The following FOXN3 variants were observed in gnomAD, a reference collection of about 807,000 sequenced individuals.
The protein encoded by FOXN3 is forkhead box N3, also known as forkhead box protein N3.
FOXN3 carries 7 observed loss-of-function variants against 38.4 expected under a neutral mutation model. That is an observed-to-expected ratio of 0.18 (90% CI 0.10 to 0.34). FOXN3 has a LOEUF of 0.34. Ranked by LOEUF, FOXN3 falls within the 10% of genes least tolerant of loss-of-function variation. The pLI, the probability that FOXN3 is intolerant of heterozygous loss-of-function variation, is 1.00. For synonymous variants in FOXN3, 230 were observed against 242.2 expected, an observed-to-expected ratio of 0.95 and a Z score of 0.47; for missense variants, 456 against 613.4, an observed-to-expected ratio of 0.74 and a Z score of 2.71.
chr14:89,169,239 C>T (rs1383399483), intron 5 of FOXN3, among the ~76,000 whole-genome samples: 1 of 151,958 alleles, frequency 6.6e-6, no homozygotes, highest in Non-Finnish European at 1.5e-5. Context: ...CCAGGAGTTC[C>T]AAGACCAGCC....
chr14:89,233,653 C>A (rs1189378387), intron 4 of FOXN3, among the ~76,000 whole-genome samples: 1 of 152,122 alleles, frequency 6.6e-6, no homozygotes, highest in Non-Finnish European at 1.5e-5. Flanking sequence ...AAATTCTGTG[C>A]CCAAGAAAAT....
At chr14:89,390,620 G>A (rs1370662819) in intron 2 of FOXN3, among the ~76,000 whole-genome samples, 1 of 151,842 alleles carries the variant, frequency 6.6e-6, no homozygotes, top group Non-Finnish European at 1.5e-5. Flanking sequence ...TTTATTCTAG[G>A]GGGGAAAGCC....
chr14:89,263,396 C>T (rs1267485382), intron 4 of FOXN3, among the ~76,000 whole-genome samples: 1 of 150,576 alleles, frequency 6.6e-6, no homozygotes, highest in South Asian at 2.1e-4. Context: ...GAGAGACTGA[C>T]ATTCAGTAAT....
Position 89,280,992 on chromosome 14 carries a change from G to A in FOXN3, c.703C>T (p.Pro235Ser), listed in dbSNP as rs769785124. 10 of 1,613,680 alleles carry A rather than the reference G, an allele frequency of 6.2e-6. No individual in the cohort carries two copies. The highest frequency in any genetic ancestry group is 1.3e-5 in the African/African-American group (1 of 74,892). The change falls in exon 4 of 6, where the codon CCG (proline) becomes TCG (serine). Residue 235 changes from proline (P) to serine (S), a missense_variant. Pro to Ser is a moderately conservative substitution (Grantham distance 74, BLOSUM62 -1). Around this residue, in one of 3 missense-constraint regions of FOXN3, gnomAD observed 386 missense variants for 505.2 expected, o/e 0.76. Coordinates refer to ENST00000557258, the MANE Select transcript of FOXN3 (RefSeq NM_005197.4). ...TTTCTCTTGAAGAAGGTACTGCCCGGCCAGATGGGTGGACCTGATGTGCTG... is the reference window on the plus strand; with the variant it reads ...TTTCTCTTGAAGAAGGTACTGCCCGACCAGATGGGTGGACCTGATGTGCTG... The part of the protein sequence containing the change: ...YQSTSGPPIW[P>S]GSTFFKRNGA...
chr14:89,372,181 T>C (rs1204384374), intron 2 of FOXN3, among the ~76,000 whole-genome samples: 3 of 151,840 alleles, frequency 2.0e-5, no homozygotes, highest in Non-Finnish European at 4.4e-5. Flanking sequence ...CCCCAAGTCA[T>C]AAAGGATAGC....
intron 1 of FOXN3, among the ~76,000 whole-genome samples, chr14:89,452,852 A>G (rs986890195): frequency 1.3e-5 from 2 of 152,204 alleles, no homozygotes; most frequent in African/African-American, 2.4e-5. Flanking sequence ...AAACATAACC[A>G]CCACAACTTA....
intron 3 of FOXN3, among the ~76,000 whole-genome samples, chr14:89,336,200 A>G (rs536085166): frequency 4.6e-4 from 48 of 104,908 alleles, no homozygotes; most frequent in African/African-American, 2.0e-3. Flanking sequence ...CCCCTTCCCC[A>G]TTCTCCTAAC....
At chr14:89,367,481 G>A (rs755912883) in intron 2 of FOXN3, among the ~76,000 whole-genome samples, 2 of 152,130 alleles carry the variant, frequency 1.3e-5, no homozygotes, top group Non-Finnish European at 1.5e-5. Flanking sequence ...TCTTGTCAGC[G>A]CTGGGTAAGA....
intron 4 of FOXN3, among the ~76,000 whole-genome samples, chr14:89,263,089 C>T (rs1885860223): frequency 6.6e-6 from 1 of 152,160 alleles, no homozygotes; most frequent in African/African-American, 2.4e-5. Flanking sequence ...TAGAAAAACG[C>T]TTGCTATGAA....
chr14:89,457,840 C>T (rs1008339606), intron 1 of FOXN3, among the ~76,000 whole-genome samples: 9 of 151,868 alleles, frequency 5.9e-5, no homozygotes, highest in Non-Finnish European at 1.3e-4. Flanking sequence ...TGGAGAAACC[C>T]CATCTCTACT....
intron 2 of FOXN3, among the ~76,000 whole-genome samples, chr14:89,384,659 A>G (rs1890744137): frequency 6.6e-6 from 1 of 152,186 alleles, no homozygotes; most frequent in Admixed American, 6.5e-5. Flanking sequence ...AAAAATATAT[A>G]TATAAAGCAA....
chr14:89,167,977 GT>G (rs760157850), intron 5 of FOXN3, among the ~76,000 whole-genome samples: 1 of 152,048 alleles, frequency 6.6e-6, no homozygotes, highest in Non-Finnish European at 1.5e-5. Flanking sequence ...AGGTATACTG[GT>G]CCCCCAGGCT....
At chr14:89,398,606 C>A (rs1360031696) in intron 2 of FOXN3, among the ~76,000 whole-genome samples, 1 of 152,110 alleles carries the variant, frequency 6.6e-6, no homozygotes, top group Non-Finnish European at 1.5e-5. Context: ...GCATGTTAAT[C>A]CTCATCACCT....
At chr14:89,453,978 T>C (rs557979990) in intron 1 of FOXN3, among the ~76,000 whole-genome samples, 1 of 150,730 alleles carries the variant, frequency 6.6e-6, no homozygotes, top group South Asian at 2.1e-4. Context: ...GAGGGTGGGG[T>C]CCCCAAGATG....
intron 1 of FOXN3, among the ~76,000 whole-genome samples, chr14:89,558,366 G>C (rs1895170764): frequency 6.6e-6 from 1 of 152,158 alleles, no homozygotes; most frequent in African/African-American, 2.4e-5. Flanking sequence ...GAATGCAATG[G>C]TGCAGACATC....
intron 2 of FOXN3, among the ~76,000 whole-genome samples, chr14:89,388,955 G>C (rs944763229): frequency 6.6e-6 from 1 of 152,000 alleles, no homozygotes; most frequent in Admixed American, 6.6e-5. Flanking sequence ...CCAAAGTCGG[G>C]TGATCCAGAA....
chr14:89,474,889 C>G (rs1370783012), intron 1 of FOXN3, among the ~76,000 whole-genome samples: 1 of 152,118 alleles, frequency 6.6e-6, no homozygotes, highest in Non-Finnish European at 1.5e-5. Context: ...AATCTCAGCT[C>G]ACTGCAACCT....
In FOXN3 at chr14:89,285,538, AGAG is replaced by A. The variant is rs1473210739; in HGVS notation, c.681-4527_681-4525del. 1.9e-3 allele frequency among the ~76,000 whole-genome samples: 253 copies of A among 133,272 alleles called. 1 individual carries two copies. The highest frequency in any genetic ancestry group is 9.3e-3 in the African/African-American group (246 of 26,458). The allele number at this position is 133,272 out of a possible 152,430, so 87.4% of individuals were successfully genotyped here. A position where few individuals can be genotyped will look rare whatever the true frequency, so the allele number is the denominator to read the frequency against. On this transcript the variant is annotated intron_variant, in intron 3 of 5. Transcript: ENST00000557258. ...CGTCTCAAAACAAAAAAAAAAAAAG[AGAG>A]AGAGAAGAAGATGCTACAACATGGA...
At position 89,485,739 on chromosome 14, in the gene FOXN3, G is replaced by A. The variant is rs151232798; in HGVS notation, c.-14-73249C>T. 1.3e-4 allele frequency among the ~76,000 whole-genome samples: 20 copies of A among 152,212 alleles called. No individual in the cohort carries two copies. In the East Asian group the frequency reaches 3.5e-3, roughly 26 times the overall value. On this transcript the variant is annotated intron_variant, in intron 1 of 6. Transcript: ENST00000345097. The stretch of plus-strand genomic sequence containing the variant: ...GGGCTCCACTCCAGGATCCTTAAGG[G>A]ACCCCTGACGGGGAGTCTGGTTCTG...
Sources: allele counts gnomAD v4.1 joint callset (sites outside exome capture counted in the v4.1 genomes callset), GRCh38; gene constraint gnomAD v4.1.1; regional missense constraint gnomAD v4.1.1; transcripts MANE v1.5; gene names NCBI Gene and HGNC (gene_info 2026-07-23, HGNC 2026-07-21).